The following ARHGAP42 variants were observed in gnomAD, a reference collection of about 807,000 sequenced individuals.
ARHGAP42 encodes the protein rho GTPase-activating protein 42.
In ARHGAP42, 63 loss-of-function variants were observed where a neutral mutation model predicts 125.0. The observed-to-expected ratio is 0.50, with a 90% CI of 0.41 to 0.62. ARHGAP42 has a LOEUF of 0.62. Ranked by LOEUF, ARHGAP42 falls within the 20% of genes least tolerant of loss-of-function variation. The pLI, the probability that ARHGAP42 is intolerant of heterozygous loss-of-function variation, is 0.00. For synonymous variants in ARHGAP42, 339 were observed against 351.0 expected (o/e 0.97, Z 0.38); for missense variants, 766 against 1,024.2 (o/e 0.75, Z 3.44).
At chr11:100,705,066 C>T (rs1861463251) in intron 1 of ARHGAP42, among the ~76,000 whole-genome samples, 2 of 151,094 alleles carry the variant, frequency 1.3e-5, no homozygotes, top group Non-Finnish European at 2.9e-5. Context: ...GACACTGTTC[C>T]TACTTTAAGT....
At chr11:100,725,508 T>TA (rs891290080) in intron 1 of ARHGAP42, among the ~76,000 whole-genome samples, 26 of 151,858 alleles carry the variant, frequency 1.7e-4, no homozygotes, top group African/African-American at 6.3e-4. Flanking sequence ...ACTTAAGAAT[T>TA]ACGGCTAGGC....
chr11:100,854,258 A>G (rs1336994429), intron 3 of ARHGAP42, among the ~76,000 whole-genome samples: 1 of 152,192 alleles, frequency 6.6e-6, no homozygotes, highest in African/African-American at 2.4e-5. Flanking sequence ...TAATTTTCCC[A>G]ATATATTTCC....
chr11:100,881,078 C>T (rs1467095214), intron 4 of ARHGAP42, among the ~76,000 whole-genome samples: 1 of 152,126 alleles, frequency 6.6e-6, no homozygotes, highest in Non-Finnish European at 1.5e-5. Flanking sequence ...CATGGAAAAG[C>T]TCTTTAGTTT....
intron 1 of ARHGAP42, among the ~76,000 whole-genome samples, chr11:100,731,910 A>G (rs939658441): frequency 6.6e-6 from 1 of 150,928 alleles, no homozygotes; most frequent in Non-Finnish European, 1.5e-5. Flanking sequence ...TCTACATAGC[A>G]CTTATCACTC....
chr11:100,816,152 T>G (rs2135067724), intron 3 of ARHGAP42, among the ~76,000 whole-genome samples: 1 of 152,328 alleles, frequency 6.6e-6, no homozygotes, highest in African/African-American at 2.4e-5. Context: ...TTTCAATTCT[T>G]TTGGATACAG....
chr11:100,705,977 CTTTTT>C (rs34731514), intron 1 of ARHGAP42, among the ~76,000 whole-genome samples: 2,686 of 112,060 alleles, frequency 0.024, 25 homozygotes, highest in Middle Eastern at 0.06. Flanking sequence ...AGTTAAGTAA[CTTTTT>C]TTTTTTTTTT....
chr11:100,775,407 C>T (rs993648574), intron 2 of ARHGAP42, among the ~76,000 whole-genome samples: 2 of 152,108 alleles, frequency 1.3e-5, no homozygotes, highest in Non-Finnish European at 2.9e-5. Context: ...CATCATTTAA[C>T]TATAATTACA....
At chr11:100,899,734 G>GT (rs1439404512) in intron 4 of ARHGAP42, among the ~76,000 whole-genome samples, 99 of 63,786 alleles carry the variant, frequency 1.6e-3, no homozygotes, top group African/African-American at 7.0e-3. Context: ...TTTTTTTTTT[G>GT]TTTTTTTTTG....
intron 2 of ARHGAP42, among the ~76,000 whole-genome samples, chr11:100,776,401 T>G (rs1863121388): frequency 6.6e-6 from 1 of 151,888 alleles, no homozygotes; most frequent in Non-Finnish European, 1.5e-5. Flanking sequence ...AGAAGGAGAG[T>G]CACTTTGCTA....
intron 6 of ARHGAP42, among the ~76,000 whole-genome samples, chr11:100,927,375 A>G (rs181568566): frequency 7.0e-4 from 106 of 152,336 alleles, no homozygotes; most frequent in Admixed American, 1.4e-3. Context: ...CTGTAGGACT[A>G]AAGGTTAAAT....
intron 1 of ARHGAP42, among the ~76,000 whole-genome samples, chr11:100,704,390 G>A (rs757399979): frequency 1.4e-4 from 21 of 152,148 alleles, no homozygotes; most frequent in Non-Finnish European, 2.6e-4. Context: ...GGCCAGCCTC[G>A]GAGGTTAAAG....
intron 1 of ARHGAP42, among the ~76,000 whole-genome samples, chr11:100,720,588 A>C (rs1426988120): frequency 6.6e-6 from 1 of 152,180 alleles, no homozygotes; most frequent in Non-Finnish European, 1.5e-5. Flanking sequence ...CTTCAAGAGT[A>C]TTTTGAAAAC....
chr11:100,697,238 A>C (rs913407277), intron 1 of ARHGAP42, among the ~76,000 whole-genome samples: 1 of 151,476 alleles, frequency 6.6e-6, no homozygotes. Context: ...GCTGGAGTGC[A>C]GTGGCGCCAT....
At chr11:100,780,075 T>C (rs1863267063) in intron 2 of ARHGAP42, among the ~76,000 whole-genome samples, 1 of 151,808 alleles carries the variant, frequency 6.6e-6, no homozygotes, top group Non-Finnish European at 1.5e-5. Context: ...AATATTAAAA[T>C]AAATTTTAAA....
At chr11:100,893,593 A>G (rs1591273875) in intron 4 of ARHGAP42, among the ~76,000 whole-genome samples, 1 of 152,156 alleles carries the variant, frequency 6.6e-6, no homozygotes, top group Admixed American at 6.6e-5. Context: ...AATTTCTTCA[A>G]CATAAAACTG....
At chr11:100,987,757 T>G (rs1858719260) in intron 23 of ARHGAP42, among the ~76,000 whole-genome samples, 165 bp downstream of exon 23, 1 of 151,900 alleles carries the variant, frequency 6.6e-6, no homozygotes, top group Non-Finnish European at 1.5e-5. Flanking sequence ...CTGGGTGGCA[T>G]GCATCTGTAG....
chr11:100,785,307 G>A (rs1407258494), intron 2 of ARHGAP42, among the ~76,000 whole-genome samples: 2 of 152,134 alleles, frequency 1.3e-5, no homozygotes, highest in Non-Finnish European at 2.9e-5. Flanking sequence ...TCAGGAGGCC[G>A]GGCCATCTGG....
chr11:100,949,159 G>A (rs952720105), intron 11 of ARHGAP42, among the ~76,000 whole-genome samples: 4 of 151,880 alleles, frequency 2.6e-5, no homozygotes, highest in African/African-American at 9.7e-5. Flanking sequence ...AATAAGAGTC[G>A]CCATCCTGTT....
At chr11:100,732,348 T>C (rs986213003) in intron 1 of ARHGAP42, among the ~76,000 whole-genome samples, 35 of 152,210 alleles carry the variant, frequency 2.3e-4, no homozygotes, top group Non-Finnish European at 4.4e-5. Context: ...GCTAGGACAG[T>C]GCTCAATAAG....
Sources: allele counts gnomAD v4.1 joint callset (sites outside exome capture counted in the v4.1 genomes callset), GRCh38; gene constraint gnomAD v4.1.1; transcripts MANE v1.5; gene names NCBI Gene and HGNC (gene_info 2026-07-23, HGNC 2026-07-21).